The following ADAMTSL1 variants were observed in gnomAD, a reference collection of about 807,000 sequenced individuals.
ADAMTSL1 encodes ADAMTS like 1.
ADAMTSL1 carries 126 observed loss-of-function variants against 201.8 expected under a neutral mutation model. The ratio of observed to expected loss-of-function variants is 0.62; its 90% CI spans 0.54 to 0.72. The LOEUF (loss-of-function observed/expected upper bound fraction) is 0.72, where lower values mean the gene tolerates loss of function less well. Among genes scored for constraint, ADAMTSL1 ranks in the 30% least tolerant of loss-of-function variants. ADAMTSL1 has a pLI of 0.00. For synonymous variants in ADAMTSL1, 1,121 were observed against 903.4 expected, an observed-to-expected ratio of 1.24 and a Z score of -4.32; for missense variants, 2,679 against 2,277.8, an observed-to-expected ratio of 1.18 and a Z score of -3.59.
At chr9:18,633,944 AG>A (rs1284801888) in intron 5 of ADAMTSL1, among the ~76,000 whole-genome samples, 1 of 152,086 alleles carries the variant, frequency 6.6e-6, no homozygotes. Flanking sequence ...GTCCTTTAAG[AG>A]ATTTGGGGTA....
chr9:18,854,253 C>T (rs942641610), intron 23 of ADAMTSL1, among the ~76,000 whole-genome samples: 1 of 152,128 alleles, frequency 6.6e-6, no homozygotes, highest in African/African-American at 2.4e-5. Context: ...CACACACACA[C>T]CCCTTCCTCT....
At position 18,197,626 on chromosome 9, in the gene ADAMTSL1, C is replaced by T. The variant is rs539335219; in HGVS notation, c.207+33645C>T. 1.7e-3 allele frequency among the ~76,000 whole-genome samples: 252 copies of T among 148,336 alleles called. 1 individual carries two copies. Among genetic ancestry groups the T allele is most frequent in the Middle Eastern group, 6.8e-3 (2 of 292 alleles). Reference sequence around the variant, plus strand: ...GATATACAATCATGTCGTCTGCAAACAGGGACAATTTGACTTCCTCTTTTC... The same window carrying T: ...GATATACAATCATGTCGTCTGCAAATAGGGACAATTTGACTTCCTCTTTTC... On this transcript the variant is annotated intron_variant, in intron 2 of 29. Coordinates refer to the ADAMTSL1 transcript ENST00000680146.
chr9:18,334,755 G>A (rs987568913), intron 2 of ADAMTSL1, among the ~76,000 whole-genome samples: 2 of 152,002 alleles, frequency 1.3e-5, no homozygotes. Context: ...AAACCAAATA[G>A]AATAAAGACT....
intron 2 of ADAMTSL1, among the ~76,000 whole-genome samples, chr9:18,365,006 G>T (rs887686027): frequency 1.3e-5 from 2 of 152,104 alleles, no homozygotes; most frequent in African/African-American, 4.8e-5. Flanking sequence ...ACATGAGATT[G>T]AGTGGGGACA....
chr9:18,030,846 C>A (rs1001766851), intron 1 of ADAMTSL1, among the ~76,000 whole-genome samples: 1 of 152,080 alleles, frequency 6.6e-6, no homozygotes, highest in Non-Finnish European at 1.5e-5. Context: ...TTTTTGGAGG[C>A]TCTGATCATT....
chr9:18,327,469 G>A (rs1834871970), intron 2 of ADAMTSL1, among the ~76,000 whole-genome samples: 1 of 152,184 alleles, frequency 6.6e-6, no homozygotes, highest in Non-Finnish European at 1.5e-5. Context: ...TGGCAGAATT[G>A]AAAGTCAATC....
At chr9:18,439,700 T>G (rs1819912908) in intron 2 of ADAMTSL1, among the ~76,000 whole-genome samples, 3 of 152,188 alleles carry the variant, frequency 2.0e-5, no homozygotes. Context: ...GACTTAAAAT[T>G]GTATTTTGTT....
intron 4 of ADAMTSL1, among the ~76,000 whole-genome samples, chr9:18,598,312 C>G (rs911384240): frequency 2.0e-5 from 3 of 152,174 alleles, no homozygotes; most frequent in Non-Finnish European, 4.4e-5. Flanking sequence ...TCTCAACTAG[C>G]AAGTGGCAAA....
chr9:18,398,236 G>T (rs113951895), intron 2 of ADAMTSL1, among the ~76,000 whole-genome samples: 1 of 152,076 alleles, frequency 6.6e-6, no homozygotes, highest in African/African-American at 2.4e-5. Context: ...ACATATGTGC[G>T]GTTGAATTAC....
chr9:18,587,667 T>G (rs1257325853), intron 4 of ADAMTSL1, among the ~76,000 whole-genome samples: 4 of 152,152 alleles, frequency 2.6e-5, no homozygotes, highest in Admixed American at 6.5e-5. Context: ...CTCTGGTAAA[T>G]ACCATACTGC....
In ADAMTSL1 at chr9:18,181,903, A is replaced by G. The variant is rs536297365; in HGVS notation, c.207+17922A>G. ...GAGCCAACCCAAATGTCCAACAAAG[A>G]TAGACTGGATTAAGAAAATGTGGCA... is the stretch of plus-strand genomic sequence containing the variant. On this transcript the variant is annotated intron_variant, in intron 2 of 29. Transcript: ENST00000680146. 4.6e-5 allele frequency among the ~76,000 whole-genome samples: 7 copies of G among 152,174 alleles called. No homozygotes were observed. In the South Asian group the frequency reaches 1.5e-3, roughly 32 times the overall value.
intron 4 of ADAMTSL1, among the ~76,000 whole-genome samples, chr9:18,588,878 C>CATATACATATATATATATAT (rs1173840469): frequency 6.8e-5 from 7 of 103,606 alleles, no homozygotes; most frequent in African/African-American, 2.5e-4. Context: ...CATATATATA[C>CATATACATATATATATATAT]ATATACATAT....
At chr9:18,892,745 G>A (rs1337085422) in intron 26 of ADAMTSL1, 149 bp downstream of exon 26, 1 of 845,814 alleles carries the variant, frequency 1.2e-6, no homozygotes, top group Non-Finnish European at 1.8e-6. Context: ...TTGTCCAGCT[G>A]AGACACCCCC....
At chr9:18,065,912 C>T (rs1004713628) in intron 1 of ADAMTSL1, among the ~76,000 whole-genome samples, 3 of 128,680 alleles carry the variant, frequency 2.3e-5, no homozygotes, top group East Asian at 2.7e-4. Flanking sequence ...ACCTGGGAGG[C>T]GGAGGTTGCA....
chr9:18,354,351 G>C (rs1437268241), intron 2 of ADAMTSL1, among the ~76,000 whole-genome samples: 1 of 151,890 alleles, frequency 6.6e-6, no homozygotes, highest in African/African-American at 2.4e-5. Flanking sequence ...TCATGTATTT[G>C]ATTAAGTTGT....
chr9:18,230,213 C>G (rs1830598031), intron 2 of ADAMTSL1, among the ~76,000 whole-genome samples: 1 of 152,150 alleles, frequency 6.6e-6, no homozygotes, highest in Admixed American at 6.5e-5. Flanking sequence ...CCCCTCTGAT[C>G]TGCTTGGCAC....
rs767579001 is a variant in ADAMTSL1 at position 18,776,833 on chromosome 9, G to A, written c.2604G>A (p.Lys868=). Residue 868 remains lysine, a synonymous_variant, in exon 19 of 29, where the codon AAG becomes AAA. Transcript: ENST00000380548. ...KHSPHIAAAR[K]VYIQTRRQRK... ...GCCCGCACATCGCGGCCGCCAGGAAGGTCTACATACAGACTCGCAGGCAGA... is the reference window on the plus strand; with the variant it reads ...GCCCGCACATCGCGGCCGCCAGGAAAGTCTACATACAGACTCGCAGGCAGA... The A allele has an allele frequency of 1.9e-6, 3 of 1,593,062 alleles. No homozygotes were observed. Among genetic ancestry groups the A allele is most frequent in the East Asian group, 2.3e-5 (1 of 43,598 alleles).
In ADAMTSL1 at chr9:18,199,392, C is replaced by A. The variant is rs551044756; in HGVS notation, c.207+35411C>A. On this transcript the variant is annotated intron_variant, in intron 2 of 29. Transcript: ENST00000680146. ...ATGAATATATTATTGAAATAATGAA[C>A]CCATCAAATATAAGACAATTGATCA... Among the ~76,000 whole-genome samples, 7 of 151,928 alleles carry A rather than the reference C, an allele frequency of 4.6e-5. No homozygotes were observed. The South Asian group carries it at 1.5e-3, about 32-fold the overall frequency.
At chr9:18,325,465 T>C (rs1834793601) in intron 2 of ADAMTSL1, among the ~76,000 whole-genome samples, 1 of 152,192 alleles carries the variant, frequency 6.6e-6, no homozygotes, top group African/African-American at 2.4e-5. Context: ...AAACGTTATG[T>C]TGAGTGAAAG....
Sources: allele counts gnomAD v4.1 joint callset (sites outside exome capture counted in the v4.1 genomes callset), GRCh38; gene constraint gnomAD v4.1.1; transcripts MANE v1.5; gene names NCBI Gene and HGNC (gene_info 2026-07-23, HGNC 2026-07-21).